Variants in VTI1A observed in about 807,000 individuals in gnomAD.
VTI1A encodes the protein vesicle transport through interaction with t-SNAREs homolog 1A.
A neutral mutation model predicts 34.9 loss-of-function variants in VTI1A; 22 were observed. The ratio of observed to expected loss-of-function variants is 0.63; its 90% CI spans 0.45 to 0.90. The LOEUF (loss-of-function observed/expected upper bound fraction) is 0.90, where lower values mean the gene tolerates loss of function less well. Ranked by LOEUF, VTI1A falls within the 40% of genes least tolerant of loss-of-function variation. The pLI is 0.00. For synonymous variants in VTI1A, 87 were observed against 97.3 expected (o/e 0.89, Z 0.62); for missense variants, 268 against 275.6 (o/e 0.97, Z 0.20).
At chr10:112,607,161 C>T (rs957365430) in intron 5 of VTI1A, among the ~76,000 whole-genome samples, 2 of 151,946 alleles carry the variant, frequency 1.3e-5, no homozygotes, top group Non-Finnish European at 1.5e-5. Flanking sequence ...GTGGTGGGCA[C>T]CTGTAATCCC....
the VTI1A span, among the ~76,000 whole-genome samples, chr10:112,838,269 C>T: frequency 7.9e-5 from 12 of 152,236 alleles, no homozygotes; most frequent in Non-Finnish European, 1.5e-4. Flanking sequence ...CTGGGACAGA[C>T]CTCGGGTCCT....
intron 5 of VTI1A, among the ~76,000 whole-genome samples, chr10:112,651,799 A>G (rs1482463681): frequency 6.6e-6 from 1 of 152,258 alleles, no homozygotes; most frequent in Non-Finnish European, 1.5e-5. Flanking sequence ...TAGTTCCTCC[A>G]GGAAATAAAA....
At chr10:112,527,317 A>G in intron 4 of VTI1A, 153 bp downstream of exon 4, 1 of 527,844 alleles carries the variant, frequency 1.9e-6, no homozygotes, top group Non-Finnish European at 3.3e-6. Flanking sequence ...AATCAACTTC[A>G]AAATGTTTCT....
At chr10:112,622,136 A>T (rs564345519) in intron 5 of VTI1A, among the ~76,000 whole-genome samples, 1 of 152,302 alleles carries the variant, frequency 6.6e-6, no homozygotes, top group African/African-American at 2.4e-5. Context: ...TGATAGAGAA[A>T]CATAGAGTTA....
chr10:112,710,282 G>A (rs113887185), intron 7 of VTI1A, among the ~76,000 whole-genome samples: 15,719 of 146,356 alleles, frequency 0.11, 922 homozygotes, highest in Middle Eastern at 0.15. Flanking sequence ...CTCTCAGCTC[G>A]CTGCAACCTC....
chr10:112,654,684 G>A (rs924695641), intron 5 of VTI1A, among the ~76,000 whole-genome samples: 26 of 151,964 alleles, frequency 1.7e-4, no homozygotes, highest in African/African-American at 6.3e-4. Flanking sequence ...TAGTAGAGAC[G>A]GGGTTTCACC....
At chr10:112,547,242 C>T (rs1404055179) in intron 5 of VTI1A, among the ~76,000 whole-genome samples, 5 of 151,716 alleles carry the variant, frequency 3.3e-5, no homozygotes, top group Admixed American at 3.3e-4. Context: ...GGTGATTGTG[C>T]CATTGTACTC....
chr10:112,527,861 C>G (rs1181871047), intron 4 of VTI1A, among the ~76,000 whole-genome samples: 8 of 151,940 alleles, frequency 5.3e-5, no homozygotes, highest in Admixed American at 2.6e-4. Flanking sequence ...TGTCATGAGT[C>G]TAATTAATGT....
chr10:112,731,857 G>T (rs1448315357), intron 7 of VTI1A, among the ~76,000 whole-genome samples: 1 of 152,008 alleles, frequency 6.6e-6, no homozygotes, highest in African/African-American at 2.4e-5. Context: ...TTATGTAAAT[G>T]GATTAATTAA....
At chr10:112,584,503 T>C (rs1844073784) in intron 5 of VTI1A, among the ~76,000 whole-genome samples, 1 of 152,208 alleles carries the variant, frequency 6.6e-6, no homozygotes, top group Non-Finnish European at 1.5e-5. Flanking sequence ...ATGAGCTGAC[T>C]ACTGGGCATC....
At chr10:112,549,704 G>C (rs1429568398) in intron 5 of VTI1A, among the ~76,000 whole-genome samples, 2 of 152,080 alleles carry the variant, frequency 1.3e-5, no homozygotes, top group African/African-American at 4.8e-5. Context: ...ATCTCTGCTT[G>C]AATAGGTATT....
Position 112,735,834 on chromosome 10 carries a change from A to G in VTI1A, c.560+66836A>G, listed in dbSNP as rs144947334. Among the ~76,000 whole-genome samples the G allele has an allele frequency of 4.8e-3, 725 of 151,886 alleles. 4 individuals carry two copies. The highest frequency in any genetic ancestry group is 0.013 in the African/African-American group (519 of 41,412). ...TGTCAGTCTGGTCACTGAGTCCCCT[A>G]TGGCACTCCAAGTGCCACAAGACCT... is the stretch of plus-strand genomic sequence containing the variant. On this transcript the variant is annotated intron_variant, in intron 7 of 7. Transcript: ENST00000393077.
rs58014861 is a variant in VTI1A at position 112,743,831 on chromosome 10, A to AG, written c.561-71459_561-71458insG. On this transcript the variant is annotated intron_variant, in intron 7 of 7. Transcript: ENST00000393077. ...CAATCAAATATTTTAGAAATAAAAA[A>AG]TATAGGACATAATATAATGAACACC... 5.1e-3 allele frequency among the ~76,000 whole-genome samples: 770 copies of AG among 152,340 alleles called. 6 individuals are homozygous for AG. The highest frequency in any genetic ancestry group is 0.017 in the African/African-American group (727 of 41,576).
At chr10:112,627,468 G>A (rs1048600350) in intron 5 of VTI1A, among the ~76,000 whole-genome samples, 4 of 151,982 alleles carry the variant, frequency 2.6e-5, no homozygotes, top group Non-Finnish European at 5.9e-5. Flanking sequence ...TAAGATAGAA[G>A]TATATAAAAA....
intron 5 of VTI1A, among the ~76,000 whole-genome samples, chr10:112,594,768 T>G (rs9762259): frequency 0.73 from 110,246 of 150,158 alleles, 41,219 homozygotes; most frequent in African/African-American, 0.85. Context: ...GCCATCCCCA[T>G]CAAGCTACCA....
chr10:112,701,741 T>C (rs1294388476), intron 7 of VTI1A, among the ~76,000 whole-genome samples: 1 of 152,156 alleles, frequency 6.6e-6, no homozygotes, highest in African/African-American at 2.4e-5. Flanking sequence ...TAGGGGAATG[T>C]TGGTATTTGA....
intron 5 of VTI1A, among the ~76,000 whole-genome samples, chr10:112,546,021 CGTGT>C (rs1851086467): frequency 3.6e-5 from 5 of 137,482 alleles, no homozygotes; most frequent in African/African-American, 1.3e-4. Flanking sequence ...TGTGTATATA[CGTGT>C]ATACGCGTAT....
chr10:112,752,946 G>A lies in VTI1A; in HGVS notation c.561-62344G>A, dbSNP rs530785626. ...AGGTCTATAATTTGTGGACTCCGAA[G>A]CTACATTTTACAAATCAATAAGAAA... On this transcript the variant is annotated intron_variant, in intron 7 of 7. Coordinates refer to ENST00000393077, the MANE Select transcript of VTI1A (RefSeq NM_145206.4). 1.6e-4 allele frequency among the ~76,000 whole-genome samples: 25 copies of A among 152,052 alleles called. No individual in the cohort carries two copies. In the East Asian group the frequency reaches 4.8e-3, roughly 29 times the overall value.
chr10:112,838,806 G>A, the VTI1A span, among the ~76,000 whole-genome samples: 4 of 152,320 alleles, frequency 2.6e-5, no homozygotes, highest in Admixed American at 6.5e-5. Context: ...GTGAAATCCC[G>A]ATCCTGCATC....
Sources: gnomAD v4.1 joint callset for allele counts (sites outside exome capture counted in the v4.1 genomes callset) on GRCh38, gnomAD v4.1.1 for gene constraint, MANE v1.5 for transcripts, NCBI Gene and HGNC (gene_info 2026-07-23, HGNC 2026-07-21) for gene names.